PCDH15: variants seen among roughly 807,000 people sequenced by gnomAD.
PCDH15 encodes the protein protocadherin-15.
In PCDH15, 129 loss-of-function variants were observed where a neutral mutation model predicts 178.5. That is an observed-to-expected ratio of 0.72 (90% CI 0.63 to 0.84). The LOEUF (loss-of-function observed/expected upper bound fraction) is 0.84, where lower values mean the gene tolerates loss of function less well. Among genes scored for constraint, PCDH15 ranks in the 40% least tolerant of loss-of-function variants. The pLI, the probability that PCDH15 is intolerant of heterozygous loss-of-function variation, is 0.00. For missense variants in PCDH15, 2,230 were observed against 2,099.9 expected, an observed-to-expected ratio of 1.06 and a Z score of -1.21; for synonymous variants, 800 against 732.0, an observed-to-expected ratio of 1.09 and a Z score of -1.50.
rs117487767 is a variant in PCDH15, at chr10:54,281,237, T to C, written c.876+36034A>G. 2.4e-3 allele frequency among the ~76,000 whole-genome samples: 370 copies of C among 152,082 alleles called. 1 individual carries two copies. The highest frequency in any genetic ancestry group is 3.8e-3 in the Non-Finnish European group (256 of 67,924). On this transcript the variant is annotated intron_variant, in intron 8 of 37. Coordinates refer to ENST00000644397, the MANE Select transcript of PCDH15 (RefSeq NM_001384140.1). ...ATATCTTATCTTGGCAACGAACTTA[T>C]AACCCTTAAAAACATTTGCTATGGC...
chr10:54,875,650 T>G (rs1332992783), intron 3 of PCDH15, among the ~76,000 whole-genome samples: 1 of 152,164 alleles, frequency 6.6e-6, no homozygotes, highest in Non-Finnish European at 1.5e-5. Context: ...AAGATCTGGA[T>G]GGAAGATCAA....
At chr10:55,170,813 C>T (rs938467049) in intron 1 of PCDH15, among the ~76,000 whole-genome samples, 5 of 151,968 alleles carry the variant, frequency 3.3e-5, no homozygotes, top group Middle Eastern at 6.8e-3. Flanking sequence ...ACCTGGGAGG[C>T]GGAGGTTGCA....
intron 15 of PCDH15, among the ~76,000 whole-genome samples, chr10:54,105,668 C>G (rs1171306037): frequency 6.6e-6 from 1 of 152,026 alleles, no homozygotes; most frequent in African/African-American, 2.4e-5. Context: ...TGTTAATCAC[C>G]TTTGGAAACA....
At chr10:54,897,136 C>A (rs1325446994) in intron 3 of PCDH15, among the ~76,000 whole-genome samples, 1 of 152,170 alleles carries the variant, frequency 6.6e-6, no homozygotes, top group Non-Finnish European at 1.5e-5. Context: ...ACAGTTGCCA[C>A]ATAATACGTT....
At chr10:55,407,842 T>A (rs1390373148) in intron 2 of PCDH15, among the ~76,000 whole-genome samples, 1 of 152,190 alleles carries the variant, frequency 6.6e-6, no homozygotes, top group East Asian at 1.9e-4. Flanking sequence ...AGAATCTGAA[T>A]AGTCTCTTAT....
chr10:54,039,225 G>A (rs2093485691), intron 18 of PCDH15, among the ~76,000 whole-genome samples: 1 of 151,938 alleles, frequency 6.6e-6, no homozygotes, highest in African/African-American at 2.4e-5. Flanking sequence ...CCATCTGTTT[G>A]TAATTTTTGT....
At chr10:53,898,514 C>T (rs2082119769) in intron 26 of PCDH15, among the ~76,000 whole-genome samples, 1 of 152,096 alleles carries the variant, frequency 6.6e-6, no homozygotes, top group Admixed American at 6.6e-5. Context: ...TTCGTAGAAC[C>T]AGTTGTGACA....
intron 3 of PCDH15, among the ~76,000 whole-genome samples, chr10:54,823,070 C>G (rs144690843): frequency 1.3e-5 from 2 of 151,768 alleles, no homozygotes; most frequent in African/African-American, 4.8e-5. Context: ...TTACTAGAGA[C>G]GGGGTTTCAC....
At chr10:55,258,451 G>C (rs1232801967) in intron 1 of PCDH15, among the ~76,000 whole-genome samples, 1 of 152,090 alleles carries the variant, frequency 6.6e-6, no homozygotes, top group African/African-American at 2.4e-5. Flanking sequence ...TGCCTGCTTA[G>C]GTCTTGTCCA....
chr10:54,601,793 C>T (rs1291486410), intron 2 of PCDH15, among the ~76,000 whole-genome samples: 1 of 151,982 alleles, frequency 6.6e-6, no homozygotes, highest in African/African-American at 2.4e-5. Flanking sequence ...TCTATGCAGT[C>T]ATAAAAAGAA....
At chr10:55,317,034 C>T (rs189853926) in intron 1 of PCDH15, among the ~76,000 whole-genome samples, 7 of 152,166 alleles carry the variant, frequency 4.6e-5, no homozygotes, top group Non-Finnish European at 7.4e-5. Context: ...TTTCTCATGA[C>T]GCTTATATCA....
intron 2 of PCDH15, among the ~76,000 whole-genome samples, chr10:55,077,689 A>G (rs1841940946): frequency 6.6e-6 from 1 of 152,038 alleles, no homozygotes; most frequent in African/African-American, 2.4e-5. Flanking sequence ...AGCTGGTATT[A>G]AAGGCATGCG....
At chr10:54,166,113 C>T (rs767775761) in intron 13 of PCDH15, among the ~76,000 whole-genome samples, 6 of 152,148 alleles carry the variant, frequency 3.9e-5, no homozygotes, top group Admixed American at 6.5e-5. Flanking sequence ...ATCTTTAATG[C>T]CTCATGAAAT....
Position 55,432,769 on chromosome 10 carries a change from C to T in PCDH15, c.-156+194856G>A, listed in dbSNP as rs1838916752. 4.9e-5 allele frequency among the ~76,000 whole-genome samples: 6 copies of T among 122,202 alleles called. No homozygotes were observed. The South Asian group carries it at 1.7e-3, about 34-fold the overall frequency. 80.2% of individuals were successfully genotyped at this position (122,202 alleles called of 152,430 possible). A position where few individuals can be genotyped will look rare whatever the true frequency, so the allele number is the denominator to read the frequency against. On this transcript the variant is annotated intron_variant, in intron 2 of 5. Transcript: ENST00000613346. ...GGAAATACAGGTGCCTGCCACAACG[C>T]CCGGCTAATATATATATATATATAT...
Position 55,626,636 on chromosome 10 carries a change from C to A in PCDH15, c.-156+989G>T, listed in dbSNP as rs12246552. ...AATATTGATTTTTAACATTTCCCCACAGTTCAAAAATATTGTTTGCCAAAA... is the reference window on the plus strand; with the variant it reads ...AATATTGATTTTTAACATTTCCCCAAAGTTCAAAAATATTGTTTGCCAAAA... On this transcript the variant is annotated intron_variant, in intron 2 of 5. Transcript: ENST00000613346. Among the ~76,000 whole-genome samples the A allele has an allele frequency of 1.3e-3, 191 of 152,300 alleles. 1 individual carries two copies. Among genetic ancestry groups the A allele is most frequent in the African/African-American group, 4.3e-3 (180 of 41,578 alleles).
At chr10:54,659,430 C>A (rs2135363302) in intron 2 of PCDH15, among the ~76,000 whole-genome samples, 1 of 152,206 alleles carries the variant, frequency 6.6e-6, no homozygotes, top group South Asian at 2.1e-4. Context: ...TGCCAGTTAT[C>A]TTCTCAGATG....
intron 1 of PCDH15, among the ~76,000 whole-genome samples, chr10:55,231,617 T>TCA (rs1841227131): frequency 2.0e-5 from 3 of 152,048 alleles, no homozygotes; most frequent in African/African-American, 7.2e-5. Context: ...GAAATTATTG[T>TCA]AAGCTTTGAA....
chr10:53,975,331 CA>C (rs759800701), intron 21 of PCDH15, among the ~76,000 whole-genome samples: 70 of 151,982 alleles, frequency 4.6e-4, no homozygotes, highest in Admixed American at 1.3e-4. Context: ...ATGATGATTC[CA>C]TTTTAGGTTA....
intron 2 of PCDH15, among the ~76,000 whole-genome samples, chr10:55,153,011 A>T (rs1419266): frequency 0.98 from 148,824 of 151,922 alleles, 72,902 homozygotes; most frequent in East Asian, 1. Flanking sequence ...TAACTAATAA[A>T]TAATATACAA....
Sources: gnomAD v4.1 joint callset for allele counts (sites outside exome capture counted in the v4.1 genomes callset) on GRCh38, gnomAD v4.1.1 for gene constraint, MANE v1.5 for transcripts, NCBI Gene and HGNC (gene_info 2026-07-23, HGNC 2026-07-21) for gene names.